SACS: variants seen among roughly 807,000 people sequenced by gnomAD.
The protein encoded by SACS is sacsin.
A neutral mutation model predicts 348.0 loss-of-function variants in SACS; 197 were observed. That is an observed-to-expected ratio of 0.57 (90% CI 0.50 to 0.64). The LOEUF is 0.64. Among genes scored for constraint, SACS ranks in the 30% least tolerant of loss-of-function variants. The pLI is 0.00. For synonymous variants in SACS, 1,985 were observed against 1,910.6 expected (o/e 1.04, Z -1.02); for missense variants, 4,999 against 5,360.8 (o/e 0.93, Z 2.11).
intron 6 of SACS, among the ~76,000 whole-genome samples, chr13:23,362,018 A>G (rs1350666494): frequency 6.6e-6 from 1 of 152,236 alleles, no homozygotes; most frequent in Non-Finnish European, 1.5e-5. Flanking sequence ...TACTTTACAG[A>G]AGTTGCTTAT....
At chr13:23,366,303 G>GCT (rs1017961798) in intron 5 of SACS, among the ~76,000 whole-genome samples, 2 of 152,328 alleles carry the variant, frequency 1.3e-5, no homozygotes, top group African/African-American at 4.8e-5. Context: ...CTGAGATTGT[G>GCT]CTCAGTTCAC....
chr13:23,392,572 T>C (rs1267486768), intron 2 of SACS, among the ~76,000 whole-genome samples: 2 of 152,220 alleles, frequency 1.3e-5, no homozygotes, highest in Non-Finnish European at 2.9e-5. Context: ...TCAGATACTA[T>C]GTGAAGTGTT....
Position 23,337,621 on chromosome 13 carries a change from A to C in SACS, c.6255T>G (p.Val2085=), listed in dbSNP as rs760849114. Reference sequence around the variant, plus strand: ...CACGAAGAACTCCCGAGAACTCATCAACTTTTTCATTTAGAACAAAGATCA... The same window carrying C: ...CACGAAGAACTCCCGAGAACTCATCCACTTTTTCATTTAGAACAAAGATCA... The part of the protein sequence containing the change: ...PLMIFVLNEK[V]DEFSGVLRVT... The change falls in exon 10 of 10, where the codon GTT becomes GTG. Residue 2085 remains valine, a synonymous_variant. Coordinates refer to ENST00000382292, the MANE Select transcript of SACS (RefSeq NM_014363.6). 2 of 1,613,838 alleles carry C rather than the reference A, an allele frequency of 1.2e-6. No individual in the cohort carries two copies. Among genetic ancestry groups the C allele is most frequent in the South Asian group, 2.2e-5 (2 of 91,048 alleles).
rs1593124773 is a variant in SACS, at chr13:23,334,219, G to A, written c.9657C>T (p.Ser3219=). 1.2e-6 allele frequency: 2 copies of A among 1,613,634 alleles called. No homozygotes were observed. The highest frequency in any genetic ancestry group is 4.5e-5 in the East Asian group (2 of 44,864). Residue 3219 remains serine, a synonymous_variant, in exon 10 of 10, where the codon TCC becomes TCT. Coordinates refer to ENST00000382292, the MANE Select transcript of SACS (RefSeq NM_014363.6). Reference sequence around the variant, plus strand: ...TCTTATATTCTCGAGGCAACACAGAGGATAACAAATCAGCAAAGCTGGAAA... The same window carrying A: ...TCTTATATTCTCGAGGCAACACAGAAGATAACAAATCAGCAAAGCTGGAAA... The part of the protein sequence containing the change: ...FDISSFADLL[S]SVLPREYKTK...
chr13:23,360,761 T>C (rs1870681630), intron 6 of SACS, among the ~76,000 whole-genome samples: 1 of 151,724 alleles, frequency 6.6e-6, no homozygotes, highest in South Asian at 2.1e-4. Context: ...GTACTTTTTT[T>C]TTTTTTTTTT....
chr13:23,350,789 G>A (rs770118728), intron 9 of SACS, among the ~76,000 whole-genome samples: 3 of 152,134 alleles, frequency 2.0e-5, no homozygotes, highest in Non-Finnish European at 4.4e-5. Context: ...TTCTTCTCCT[G>A]TACTCACTAA....
In SACS at chr13:23,393,823, C is replaced by G. The variant is rs573418474; in HGVS notation, c.20+17397G>C. 1.3e-4 allele frequency among the ~76,000 whole-genome samples: 20 copies of G among 152,172 alleles called. 1 individual carries two copies. The East Asian group carries it at 3.7e-3, about 28-fold the overall frequency. On this transcript the variant is annotated intron_variant, in intron 2 of 9. Coordinates refer to ENST00000382292, the MANE Select transcript of SACS (RefSeq NM_014363.6). The stretch of plus-strand genomic sequence containing the variant: ...TCACCAAGGCTGGAGTGCAGTGGCA[C>G]GATCTCGGCTCACTGCAAGCTCCGC...
chr13:23,410,496 G>T (rs963612417), intron 2 of SACS, among the ~76,000 whole-genome samples: 3 of 152,114 alleles, frequency 2.0e-5, no homozygotes, highest in Admixed American at 2.0e-4. Context: ...ATATCAAGAC[G>T]TTTTATTTGT....
At position 23,331,703 on chromosome 13, in the gene SACS, CTT is replaced by C. The variant is rs1555249660; in HGVS notation, c.12171_12172del (p.Arg4058SerfsTer2). ...GGGAATAGGATTAAAACCTTTAACT[CTT>C]AATGTTGTTTGAAGCTTTTCAAAGC... On this transcript the variant is annotated frameshift_variant, in exon 10 of 10. Coordinates refer to ENST00000382292, the MANE Select transcript of SACS (RefSeq NM_014363.6). LOFTEE classifies it high-confidence loss of function. 1 of 1,613,812 alleles carries C rather than the reference CTT, an allele frequency of 6.2e-7. No homozygotes were observed. Among genetic ancestry groups the C allele is most frequent in the Non-Finnish European group, 8.5e-7 (1 of 1,179,960 alleles).
At chr13:23,415,810 CA>C (rs1396475520) in intron 1 of SACS, among the ~76,000 whole-genome samples, 14 of 152,154 alleles carry the variant, frequency 9.2e-5, no homozygotes, top group Admixed American at 8.5e-4. Context: ...AAAATGAATA[CA>C]AAATGACTCA....
intron 6 of SACS, among the ~76,000 whole-genome samples, chr13:23,359,079 AGCTGAGATAGGAGAACT>A (rs1175468762): frequency 6.6e-6 from 1 of 152,020 alleles, no homozygotes; most frequent in Non-Finnish European, 1.5e-5. Flanking sequence ...CTACTTGGGA[AGCTGAGATAGGAGAACT>A]GCTTGAACCC....
rs138457742 is a variant in SACS at position 23,354,695 on chromosome 13, T to C, written c.1917A>G (p.Ala639=). The change falls in exon 8 of 10, where the codon GCA becomes GCG. Residue 639 remains alanine, a synonymous_variant. Coordinates refer to ENST00000382292, the MANE Select transcript of SACS (RefSeq NM_014363.6). ...GCTTTTCTTCAGCACAGCCCAGGTG[T>C]GCACACTTCCGCAGCACCTGCCGCA... ...AWVRQVLRKC[A]HLGCAEEKLH... 1.4e-4 allele frequency: 221 copies of C among 1,614,062 alleles called. 1 individual carries two copies. The African/African-American group carries it at 2.7e-3, about 19-fold the overall frequency.
Position 23,332,294 on chromosome 13 carries a change from A to T in SACS, c.11582T>A (p.Phe3861Tyr). ...KQYVEVLSRI[F>Y]KNSEGKQLDP... ...TAATTGTTTGCCCTCAGAATTTTTAAATATGCGGCTCAACACTTCAACATA... is the reference window on the plus strand; with the variant it reads ...TAATTGTTTGCCCTCAGAATTTTTATATATGCGGCTCAACACTTCAACATA... The change falls in exon 10 of 10, where the codon TTT becomes TAT. Residue 3861 changes from phenylalanine to tyrosine, a missense_variant. Physicochemically the swap from Phe to Tyr is conservative, Grantham distance 22. Around this residue, in one of 6 missense-constraint regions of SACS, gnomAD observed 831 missense variants for 941.8 expected, o/e 0.88. Transcript: ENST00000382292. The T allele has an allele frequency of 1.2e-6, 2 of 1,614,012 alleles. No individual in the cohort carries two copies. Among genetic ancestry groups the T allele is most frequent in the Non-Finnish European group, 1.7e-6 (2 of 1,179,930 alleles).
chr13:23,339,074 T>C lies in SACS; in HGVS notation c.4802A>G (p.Lys1601Arg). 1 of 1,612,306 alleles carries C rather than the reference T, an allele frequency of 6.2e-7. No homozygotes were observed. The part of the protein sequence containing the change: ...HIKDKSNPGI[K>R]INWSKQQKRL... ...TTTCTGTTGTTTACTCCAATTAATT[T>C]TGATCCCAGGATTGGATTTGTCTTT... Residue 1601 changes from lysine to arginine, a missense_variant, in exon 10 of 10, where the codon AAA becomes AGA. Physicochemically the swap from Lys to Arg is conservative, Grantham distance 26. This residue lies in a region of SACS where 3,156 missense variants were observed against 3,380.1 expected (regional missense o/e 0.93). Coordinates refer to ENST00000382292, the MANE Select transcript of SACS (RefSeq NM_014363.6).
Position 23,332,460 on chromosome 13 carries a change from G to A in SACS, c.11416C>T (p.Leu3806=), listed in dbSNP as rs775539263. The change falls in exon 10 of 10, where the codon CTG becomes TTG. Residue 3806 remains leucine (L), a synonymous_variant. Transcript: ENST00000382292. ...FVMVEDGWKL[L]KPEEVVINLE... is the part of the protein sequence containing the mutation. ...TTTATGACTACCTCCTCAGGCTTCAGAAGTTTCCAACCATCTTCTACCATC... is the reference window on the plus strand; with the variant it reads ...TTTATGACTACCTCCTCAGGCTTCAAAAGTTTCCAACCATCTTCTACCATC... 4 of 1,613,882 alleles carry A rather than the reference G, an allele frequency of 2.5e-6. No homozygotes were observed. Among genetic ancestry groups the A allele is most frequent in the East Asian group, 2.2e-5 (1 of 44,880 alleles).
intron 1 of SACS, among the ~76,000 whole-genome samples, chr13:23,429,345 A>AGTTTTT (rs1874330416): frequency 5.8e-5 from 3 of 51,474 alleles, no homozygotes; most frequent in East Asian, 7.0e-4. Flanking sequence ...TGAGGTAGGG[A>AGTTTTT]TTTTTTTTTT....
chr13:23,394,119 G>A (rs1027808439), intron 2 of SACS, among the ~76,000 whole-genome samples: 2 of 152,196 alleles, frequency 1.3e-5, no homozygotes, highest in African/African-American at 2.4e-5. Flanking sequence ...AACCAACCAC[G>A]TGATTAATGG....
intron 4 of SACS, among the ~76,000 whole-genome samples, chr13:23,369,996 G>A (rs897316185): frequency 6.6e-6 from 1 of 151,772 alleles, no homozygotes; most frequent in Non-Finnish European, 1.5e-5. Flanking sequence ...GTGGCTGGGA[G>A]TACAGGTGCG....
At chr13:23,363,869 T>C (rs2137774553) in intron 6 of SACS, among the ~76,000 whole-genome samples, 1 of 152,236 alleles carries the variant, frequency 6.6e-6, no homozygotes, top group South Asian at 2.1e-4. Context: ...GGCAGTACAA[T>C]GGGGTAGTAC....
Sources: allele counts gnomAD v4.1 joint callset (sites outside exome capture counted in the v4.1 genomes callset), GRCh38; gene constraint gnomAD v4.1.1; regional missense constraint gnomAD v4.1.1; transcripts MANE v1.5; gene names NCBI Gene and HGNC (gene_info 2026-07-23, HGNC 2026-07-21).